The following STARD6 variants were observed in gnomAD, a reference collection of about 807,000 sequenced individuals.
STARD6 encodes StAR related lipid transfer domain containing 6.
Under a neutral mutation model 22.3 loss-of-function variants are expected in STARD6, and 21 were observed. The ratio of observed to expected loss-of-function variants is 0.94; its 90% CI spans 0.67 to 1.35. The LOEUF (loss-of-function observed/expected upper bound fraction) is 1.35, where lower values mean the gene tolerates loss of function less well. Among genes scored for constraint, STARD6 ranks in the 40% most tolerant of loss-of-function variants. The pLI, the probability that STARD6 is intolerant of heterozygous loss-of-function variation, is 0.00. For synonymous variants in STARD6, 80 were observed against 88.1 expected (o/e 0.91, Z 0.52); for missense variants, 269 against 266.9 (o/e 1.01, Z -0.05).
At chr18:54,349,702 T>C (rs774245116) in intron 4 of STARD6, among the ~76,000 whole-genome samples, 3 of 152,216 alleles carry the variant, frequency 2.0e-5, no homozygotes, top group Admixed American at 6.5e-5. Context: ...ATCATTCTTA[T>C]GCCTTTGTGT....
intron 3 of STARD6, 72 bp from the exon 4 acceptor site, chr18:54,354,175 A>C (rs910036323): frequency 6.8e-6 from 7 of 1,025,692 alleles, no homozygotes; most frequent in African/African-American, 1.6e-5. Flanking sequence ...AAAACTAACA[A>C]AAGTAAAAAC....
chr18:54,356,943 G>T (rs1657902), intron 1 of STARD6: 1 of 152,236 alleles, frequency 6.6e-6, no homozygotes, highest in East Asian at 1.9e-4. Flanking sequence ...TAAACTGAAC[G>T]TTATAGCTTC....
chr18:54,325,923 T>C (rs2088821241), intron 7 of STARD6, among the ~76,000 whole-genome samples: 1 of 152,202 alleles, frequency 6.6e-6, no homozygotes, highest in Non-Finnish European at 1.5e-5. Context: ...ACACATTAAT[T>C]CCAAACTGCA....
intron 2 of STARD6, among the ~76,000 whole-genome samples, chr18:54,355,278 G>C (rs1352585981): frequency 6.6e-6 from 1 of 152,032 alleles, no homozygotes; most frequent in African/African-American, 2.4e-5. Context: ...ATAACTGACT[G>C]TTTCATAGGT....
chr18:54,331,704 C>T lies in STARD6; in HGVS notation c.385+38G>A, dbSNP rs751956830. 3.7e-6 allele frequency: 5 copies of T among 1,338,058 alleles called. No homozygotes were observed. The African/African-American group carries it at 7.3e-5, about 19-fold the overall frequency. 82.9% of individuals were successfully genotyped at this position (1,338,058 alleles called of 1,614,324 possible). A position where few individuals can be genotyped will look rare whatever the true frequency, so the allele number is the denominator to read the frequency against. ...AGGGAAAACATTTATTAATGGCTCG[C>T]AGTAATTCCAAGATATGGGCAAAAT... On this transcript the variant is annotated intron_variant, in intron 6 of 7. Transcript: ENST00000307844.
intron 4 of STARD6, among the ~76,000 whole-genome samples, chr18:54,343,837 C>T (rs1384041426): frequency 1.2e-3 from 72 of 61,958 alleles, no homozygotes; most frequent in South Asian, 2.6e-3. Context: ...TCTGCCCGGC[C>T]GCCCCTACTG....
chr18:54,340,412 T>C (rs2088959446), intron 4 of STARD6, among the ~76,000 whole-genome samples: 3 of 152,012 alleles, frequency 2.0e-5, no homozygotes, highest in Admixed American at 2.0e-4. Context: ...AAAAATGTAG[T>C]TCAAAAAATT....
intron 2 of STARD6, among the ~76,000 whole-genome samples, chr18:54,356,042 C>T (rs1044352558): frequency 6.6e-6 from 1 of 152,176 alleles, no homozygotes; most frequent in African/African-American, 2.4e-5. Context: ...ATGCTTTAAA[C>T]AGTGTGGAGC....
intron 4 of STARD6, among the ~76,000 whole-genome samples, chr18:54,345,540 CT>C (rs1354512851): frequency 2.0e-5 from 3 of 151,856 alleles, no homozygotes; most frequent in African/African-American, 7.3e-5. Flanking sequence ...TCCCAGCTGA[CT>C]TTTTTTTGAG....
chr18:54,354,442 TAAAAAC>T (rs1382167123), intron 3 of STARD6, 36 bp downstream of exon 3: 3 of 1,525,748 alleles, frequency 2.0e-6, no homozygotes, highest in Non-Finnish European at 1.8e-6. Flanking sequence ...GTTTCTTACT[TAAAAAC>T]AAAGTCTTGA....
intron 4 of STARD6, among the ~76,000 whole-genome samples, chr18:54,346,169 T>C (rs2089032136): frequency 6.6e-6 from 1 of 152,152 alleles, no homozygotes; most frequent in Non-Finnish European, 1.5e-5. Flanking sequence ...ATCATATATG[T>C]GATACTAAAC....
chr18:54,345,349 T>TA (rs58090225), intron 4 of STARD6, among the ~76,000 whole-genome samples: 122 of 151,132 alleles, frequency 8.1e-4, no homozygotes, highest in African/African-American at 2.5e-3. Flanking sequence ...TAGAGTAAAA[T>TA]AAAAAAAAAT....
chr18:54,326,232 T>A (rs1222983364), intron 7 of STARD6, among the ~76,000 whole-genome samples: 1 of 152,126 alleles, frequency 6.6e-6, no homozygotes, highest in Non-Finnish European at 1.5e-5. Flanking sequence ...AAAATCTGAT[T>A]AGTGGCTAGT....
intron 7 of STARD6, among the ~76,000 whole-genome samples, chr18:54,327,432 A>G (rs757173679): frequency 3.9e-5 from 6 of 152,202 alleles, no homozygotes; most frequent in Non-Finnish European, 7.4e-5. Flanking sequence ...GAATAAAATT[A>G]TATGAGGGAA....
intron 5 of STARD6, among the ~76,000 whole-genome samples, chr18:54,333,366 G>T (rs923141698): frequency 6.6e-6 from 1 of 152,058 alleles, no homozygotes; most frequent in African/African-American, 2.4e-5. Flanking sequence ...GGAGAATGGC[G>T]TGAACCTGGG....
In STARD6 at chr18:54,344,750, GA is replaced by G. The variant is rs568164718; in HGVS notation, c.141-7500del. Among the ~76,000 whole-genome samples, 498 of 152,146 alleles carry G rather than the reference GA, an allele frequency of 3.3e-3. 7 individuals are homozygous for G. The highest frequency in any genetic ancestry group is 0.012 in the African/African-American group (485 of 41,500). ...AGAATGCAAGGTTGGTTTACCATAT[GA>G]ATTATCAATTACTACAATACACAAT... On this transcript the variant is annotated intron_variant, in intron 4 of 7. Coordinates refer to ENST00000307844, the MANE Select transcript of STARD6 (RefSeq NM_139171.2).
chr18:54,344,683 T>C (rs2089019107), intron 4 of STARD6, among the ~76,000 whole-genome samples: 1 of 151,432 alleles, frequency 6.6e-6, no homozygotes, highest in Admixed American at 6.6e-5. Context: ...TCTAGCAATG[T>C]ATAAAAAGGA....
chr18:54,326,762 TTTA>T (rs1205010010), intron 7 of STARD6, among the ~76,000 whole-genome samples: 2 of 151,686 alleles, frequency 1.3e-5, no homozygotes, highest in African/African-American at 4.8e-5. Context: ...TTTATTTTTA[TTTA>T]TTATTAAATC....
rs758067815 is a variant in STARD6, at chr18:54,324,837, G to T, written c.518C>A (p.Thr173Lys). ...AYSKLVMFVQ[T>K]EMRGKLSPSI... The stretch of plus-strand genomic sequence containing the variant: ...TGGGGACAATTTTCCTCTCATTTCT[G>T]TCTGGACAAACATCACTAGTTTGGA... The change falls in exon 8 of 8, where the codon ACA becomes AAA. Residue 173 changes from threonine (T) to lysine (K), a missense_variant. By Grantham distance (78) the Thr-to-Lys change is moderately conservative. Coordinates refer to ENST00000307844, the MANE Select transcript of STARD6 (RefSeq NM_139171.2). 24 of 1,600,180 alleles carry T rather than the reference G, an allele frequency of 1.5e-5. No individual in the cohort carries two copies. Among genetic ancestry groups the T allele is most frequent in the Middle Eastern group, 1.7e-4 (1 of 5,974 alleles).
Sources: allele counts gnomAD v4.1 joint callset (sites outside exome capture counted in the v4.1 genomes callset), GRCh38; gene constraint gnomAD v4.1.1; transcripts MANE v1.5; gene names NCBI Gene and HGNC (gene_info 2026-07-23, HGNC 2026-07-21).